The following RASA3 variants were observed in gnomAD, a reference collection of about 807,000 sequenced individuals.
RASA3 encodes the protein RAS p21 protein activator 3, also known as ras GTPase-activating protein 3.
In RASA3, 73 loss-of-function variants were observed where a neutral mutation model predicts 110.0. The observed-to-expected ratio is 0.66, with a 90% CI of 0.55 to 0.81. RASA3 has a LOEUF of 0.81. Ranked by LOEUF, RASA3 falls within the 30% of genes least tolerant of loss-of-function variation. The pLI is 0.00. For missense variants in RASA3, 976 were observed against 1,113.2 expected, an observed-to-expected ratio of 0.88 and a Z score of 1.75; for synonymous variants, 500 against 451.4, an observed-to-expected ratio of 1.11 and a Z score of -1.37.
rs1421356771 is a variant in RASA3, at chr13:113,995,732, CCCGG to C, written c.2141+795_2141+798del. On this transcript the variant is annotated intron_variant, in intron 21 of 23. Transcript: ENST00000334062. ...GACGGAGGACCCAGCTGATGGGGGG[CCCGG>C]CTGACGGGGGCCCGGCTGACGGGGG... is the stretch of plus-strand genomic sequence containing the variant. Among the ~76,000 whole-genome samples the C allele has an allele frequency of 4.0e-4, 19 of 47,234 alleles. 6 individuals are homozygous for C. Among genetic ancestry groups the C allele is most frequent in the African/African-American group, 5.5e-4 (4 of 7,234 alleles). 31.0% of individuals were successfully genotyped at this position (47,234 alleles called of 152,430 possible).
intron 2 of RASA3, among the ~76,000 whole-genome samples, chr13:114,058,824 A>C (rs1229134231): frequency 1.3e-5 from 2 of 152,184 alleles, no homozygotes; most frequent in African/African-American, 4.8e-5. Flanking sequence ...CTTATATCCC[A>C]ATGAGAACCA....
At chr13:114,013,452 CCCCTTTGTCTCTCT>C (rs1204680121) in intron 14 of RASA3, among the ~76,000 whole-genome samples, 1 of 90,704 alleles carries the variant, frequency 1.1e-5, no homozygotes, top group Non-Finnish European at 2.0e-5. Context: ...TCTGTCTCTC[CCCCTTTGTCTCTCT>C]CCCTGTCTCT....
intron 2 of RASA3, among the ~76,000 whole-genome samples, chr13:114,054,898 G>A (rs1459754835): frequency 1.3e-5 from 2 of 152,242 alleles, no homozygotes; most frequent in Non-Finnish European, 1.5e-5. Flanking sequence ...CGTGGGCACC[G>A]CCGAGATCTG....
intron 1 of RASA3, among the ~76,000 whole-genome samples, chr13:114,081,684 G>A (rs1165223231): frequency 6.6e-6 from 1 of 152,202 alleles, no homozygotes; most frequent in Non-Finnish European, 1.5e-5. Flanking sequence ...TGTCCACCAG[G>A]AGACTGAGGC....
At chr13:114,022,176 G>C (rs1014641639) in intron 8 of RASA3, among the ~76,000 whole-genome samples, 1 of 152,148 alleles carries the variant, frequency 6.6e-6, no homozygotes, top group Non-Finnish European at 1.5e-5. Context: ...ACGAATCTCC[G>C]TGACTACCGC....
rs66726231 is a variant in RASA3, at chr13:114,013,694, GTCTCTC to G, written c.1406-452_1406-447del. Among the ~76,000 whole-genome samples the G allele has an allele frequency of 4.6e-4, 36 of 78,788 alleles. 1 individual carries two copies. Among genetic ancestry groups the G allele is most frequent in the South Asian group, 2.7e-3 (5 of 1,868 alleles). The allele number at this position is 78,788 out of a possible 152,430, so 51.7% of individuals were successfully genotyped here. A position where few individuals can be genotyped will look rare whatever the true frequency, so the allele number is the denominator to read the frequency against. ...TCTCCCTGTCTCTCTCCCTATCTCTGTCTCTCTCTCTCTCTCCCCCTCTCTCTCTCC... is the reference window on the plus strand; with the variant it reads ...TCTCCCTGTCTCTCTCCCTATCTCTGTCTCTCTCTCCCCCTCTCTCTCTCC... On this transcript the variant is annotated intron_variant, in intron 14 of 23. Transcript: ENST00000334062.
intron 3 of RASA3, among the ~76,000 whole-genome samples, chr13:114,043,700 G>T (rs1294264127): frequency 6.6e-6 from 1 of 152,078 alleles, no homozygotes; most frequent in Non-Finnish European, 1.5e-5. Flanking sequence ...GCACATGTGG[G>T]AGAAGGAACA....
chr13:114,043,555 G>A (rs1017844756), intron 3 of RASA3, among the ~76,000 whole-genome samples: 4 of 152,110 alleles, frequency 2.6e-5, no homozygotes, highest in Non-Finnish European at 4.4e-5. Context: ...TCAGCCTGGT[G>A]ACCTCATCGG....
At chr13:114,037,067 T>C (rs961931076) in intron 4 of RASA3, among the ~76,000 whole-genome samples, 2 of 152,200 alleles carry the variant, frequency 1.3e-5, no homozygotes, top group Admixed American at 6.5e-5. Context: ...AGGATCCTCA[T>C]GTTCCGGACA....
At chr13:114,042,350 C>A (rs9525212) in intron 3 of RASA3, among the ~76,000 whole-genome samples, 150,936 of 152,382 alleles carry the variant, frequency 0.99, 74,766 homozygotes, top group Middle Eastern at 1. Flanking sequence ...CTCTGTTGAC[C>A]GATGCACGTG....
intron 23 of RASA3, among the ~76,000 whole-genome samples, chr13:113,979,881 G>T (rs1007181050): frequency 6.6e-6 from 1 of 151,292 alleles, no homozygotes; most frequent in African/African-American, 2.4e-5. Context: ...TGCCATGTGT[G>T]TCCACTACCT....
chr13:114,031,027 CTG>C (rs1193971062), intron 4 of RASA3, among the ~76,000 whole-genome samples: 1 of 148,468 alleles, frequency 6.7e-6, no homozygotes, highest in Non-Finnish European at 1.5e-5. Flanking sequence ...GTGCGTGCAA[CTG>C]TGTGTCCATC....
intron 4 of RASA3, among the ~76,000 whole-genome samples, chr13:114,036,535 C>T (rs535548134): frequency 1.2e-4 from 18 of 150,760 alleles, no homozygotes; most frequent in Non-Finnish European, 2.7e-4. Flanking sequence ...GGTTTTTTTT[C>T]TTCTTCTTCT....
At chr13:114,047,705 G>A (rs2079075655) in intron 3 of RASA3, among the ~76,000 whole-genome samples, 2 of 152,272 alleles carry the variant, frequency 1.3e-5, no homozygotes, top group Admixed American at 6.5e-5. Context: ...CCCACGGGCA[G>A]TGGAAGGGGG....
chr13:114,020,400 G>C (rs2053900919), intron 9 of RASA3, among the ~76,000 whole-genome samples: 1 of 152,196 alleles, frequency 6.6e-6, no homozygotes, highest in Non-Finnish European at 1.5e-5. Flanking sequence ...GGCTACCAGG[G>C]CCAGGGATTC....
chr13:114,078,975 G>T (rs907766334), intron 1 of RASA3, among the ~76,000 whole-genome samples: 40 of 152,258 alleles, frequency 2.6e-4, no homozygotes, highest in Non-Finnish European at 5.9e-5. Flanking sequence ...CTCCCTGCAG[G>T]CATCCTGGGG....
At chr13:114,058,975 G>A (rs80313618) in intron 2 of RASA3, among the ~76,000 whole-genome samples, 49 of 152,292 alleles carry the variant, frequency 3.2e-4, no homozygotes, top group South Asian at 1.2e-3. Flanking sequence ...TGCCAGAAGC[G>A]CCACTTGAGC....
At chr13:114,010,323 G>C (rs1409192988) in intron 16 of RASA3, among the ~76,000 whole-genome samples, 3 of 151,988 alleles carry the variant, frequency 2.0e-5, no homozygotes, top group Non-Finnish European at 4.4e-5. Context: ...GCCCTCTCCA[G>C]ACGGAGCCCC....
intron 14 of RASA3, among the ~76,000 whole-genome samples, chr13:114,013,977 GATCT>G (rs1566479531): frequency 9.9e-5 from 6 of 60,696 alleles, no homozygotes; most frequent in African/African-American, 3.8e-4. Flanking sequence ...TCTCCGTCTC[GATCT>G]CTCTCTCCAT....
Sources: allele counts gnomAD v4.1 joint callset (sites outside exome capture counted in the v4.1 genomes callset), GRCh38; gene constraint gnomAD v4.1.1; transcripts MANE v1.5; gene names NCBI Gene and HGNC (gene_info 2026-07-23, HGNC 2026-07-21).